The following MACF1 variants were observed in gnomAD, a reference collection of about 807,000 sequenced individuals.
MACF1 encodes the protein microtubule actin crosslinking factor 1.
In MACF1, 193 loss-of-function variants were observed where a neutral mutation model predicts 854.8. That is an observed-to-expected ratio of 0.23 (90% CI 0.20 to 0.25). MACF1 has a LOEUF of 0.25. MACF1 is among the 10% of genes least tolerant of loss of function. MACF1 has a pLI of 1.00. For missense variants in MACF1, 7,722 were observed against 8,929.1 expected (o/e 0.86, Z 5.45); for synonymous variants, 3,185 against 3,226.7 (o/e 0.99, Z 0.44).
chr1:39,411,128 C>A, intron 58 of MACF1: 1 of 1,613,618 alleles, frequency 6.2e-7, no homozygotes, highest in Non-Finnish European at 8.5e-7. Context: ...GTGGAAATGC[C>A]ACCTCTCTCC....
At chr1:39,382,225 T>A (rs1650285308) in intron 56 of MACF1, 73 bp downstream of exon 56, 3 of 1,382,584 alleles carry the variant, frequency 2.2e-6, no homozygotes, top group Non-Finnish European at 3.0e-6. Flanking sequence ...GTAAGTAGAT[T>A]TCATGTGATC....
chr1:39,269,943 G>T (rs944221075), intron 6 of MACF1, among the ~76,000 whole-genome samples: 1 of 152,182 alleles, frequency 6.6e-6, no homozygotes, highest in African/African-American at 2.4e-5. Context: ...ATTCTGAGTA[G>T]CCAAGTGGCG....
intron 41 of MACF1, 110 bp downstream of exon 41, chr1:39,347,320 A>G (rs372480720): frequency 7.4e-6 from 6 of 814,210 alleles, no homozygotes; most frequent in African/African-American, 7.0e-5. Context: ...GGGTTTACCA[A>G]TTTTGAAATT....
intron 58 of MACF1, among the ~76,000 whole-genome samples, chr1:39,393,196 A>AAAAAAAAAAAAAAAATATATATATAT (rs57576149): frequency 1.5e-5 from 1 of 66,576 alleles, no homozygotes; most frequent in Non-Finnish European, 2.6e-5. Flanking sequence ...AAAAAAAAAA[A>AAAAAAAAAAAAAAAATATATATATAT]ATATATATAT....
chr1:39,179,874 G>A (rs1644082195), intron 2 of MACF1, among the ~76,000 whole-genome samples: 1 of 152,034 alleles, frequency 6.6e-6, no homozygotes, highest in East Asian at 1.9e-4. Context: ...AATTAGCCAG[G>A]TGTGGTGGCA....
At chr1:39,152,206 T>A (rs1291720579) in intron 2 of MACF1, among the ~76,000 whole-genome samples, 2 of 152,144 alleles carry the variant, frequency 1.3e-5, no homozygotes, top group Non-Finnish European at 2.9e-5. Context: ...ATCTCCTGAC[T>A]TTGTGATCCG....
At chr1:39,404,064 G>GGTT (rs1369923812) in intron 58 of MACF1, among the ~76,000 whole-genome samples, 1 of 151,862 alleles carries the variant, frequency 6.6e-6, no homozygotes, top group Non-Finnish European at 1.5e-5. Flanking sequence ...GAGAGGCAGA[G>GGTT]GTTGCAATGA....
chr1:39,361,131 C>A, intron 48 of MACF1, 130 bp downstream of exon 48: 1 of 871,182 alleles, frequency 1.1e-6, no homozygotes, highest in Non-Finnish European at 1.8e-6. Context: ...GAAATGATAA[C>A]TAATCTATGT....
intron 66 of MACF1, 73 bp from the exon 67 acceptor site, chr1:39,432,462 G>T: frequency 7.1e-7 from 1 of 1,416,362 alleles, no homozygotes; most frequent in Non-Finnish European, 9.9e-7. Context: ...GCCTTGCTTT[G>T]TTGAATAAAT....
Position 39,452,318 on chromosome 1 carries a change from A to G in MACF1, c.20581A>G (p.Lys6861Glu). The change falls in exon 86 of 101, where the codon AAA (lysine) becomes GAA (glutamate). Residue 6861 changes from lysine to glutamate, a missense_variant. Physicochemically the swap from Lys to Glu is moderately conservative, Grantham distance 56. Transcript: ENST00000564288. The part of the protein sequence containing the change: ...WDTVCKLSVS[K>E]QSRLEQALKQ... ...CACTGTCTGTAAACTCTCTGTTTCCAAACAAAGCCGGCTTGAGCAGGCCTT... is the reference window on the plus strand; with the variant it reads ...CACTGTCTGTAAACTCTCTGTTTCCGAACAAAGCCGGCTTGAGCAGGCCTT... 1 of 1,614,096 alleles carries G rather than the reference A, an allele frequency of 6.2e-7. No individual in the cohort carries two copies. Among genetic ancestry groups the G allele is most frequent in the Non-Finnish European group, 8.5e-7 (1 of 1,180,000 alleles).
rs1183049229 is a variant in MACF1 at position 39,444,685 on chromosome 1, C to T, written c.19455C>T (p.Ala6485=). Residue 6485 remains alanine (A), a synonymous_variant, in exon 80 of 101, where the codon GCC becomes GCT. Transcript: ENST00000564288. ...AGGAACTCTATTCCCAGCTGAAAGC[C>T]AAGGAAGAGACTTATAATCAACTAC... The part of the protein sequence containing the change: ...THMELYSQLK[A]KEETYNQLLD... 8 of 1,612,146 alleles carry T rather than the reference C, an allele frequency of 5.0e-6. No individual in the cohort carries two copies. The highest frequency in any genetic ancestry group is 6.8e-6 in the Non-Finnish European group (8 of 1,179,160).
chr1:39,255,471 A>G (rs191851502), intron 5 of MACF1, among the ~76,000 whole-genome samples: 2 of 152,356 alleles, frequency 1.3e-5, no homozygotes, highest in Non-Finnish European at 2.9e-5. Context: ...AACAGGGTCA[A>G]CGTGACATTA....
chr1:39,334,631 G>A lies in MACF1; in HGVS notation c.8043G>A (p.Leu2681=), dbSNP rs77901510. The A allele has an allele frequency of 6.1e-5, 98 of 1,614,090 alleles. No individual in the cohort carries two copies. The highest frequency in any genetic ancestry group is 8.2e-5 in the Non-Finnish European group (97 of 1,180,008). The change falls in exon 37 of 101, where the codon CTG becomes CTA. Residue 2681 remains leucine, a synonymous_variant. Coordinates refer to ENST00000564288, the MANE Select transcript of MACF1 (RefSeq NM_001394062.1). ...QLGKVDFAST[L]KVLEAQANTG... ...GAAAAGTAGACTTTGCATCTACGCT[G>A]AAGGTTCTAGAAGCCCAGGCAAATA... is the stretch of plus-strand genomic sequence containing the variant.
intron 52 of MACF1, among the ~76,000 whole-genome samples, chr1:39,377,537 A>G (rs1435877335): frequency 6.6e-6 from 1 of 152,200 alleles, no homozygotes; most frequent in Non-Finnish European, 1.5e-5. Flanking sequence ...AACAGAACCA[A>G]AGGCCCAAAG....
intron 28 of MACF1, among the ~76,000 whole-genome samples, 179 bp downstream of exon 28, chr1:39,316,708 G>A (rs1263937080): frequency 3.9e-5 from 6 of 152,184 alleles, no homozygotes; most frequent in Admixed American, 6.6e-5. Context: ...AGTATGTCTA[G>A]CTAGAAAGGG....
chr1:39,227,760 T>C (rs988097948), intron 1 of MACF1, among the ~76,000 whole-genome samples: 7 of 152,238 alleles, frequency 4.6e-5, no homozygotes, highest in Non-Finnish European at 8.8e-5. Context: ...TTCCTAATTA[T>C]GTGCAGTTCT....
rs142453957 is a variant in MACF1, at chr1:39,439,433, T to A, written c.18380T>A (p.Ile6127Asn). 6.2e-7 allele frequency: 1 copy of A among 1,614,094 alleles called. No homozygotes were observed. The highest frequency in any genetic ancestry group is 1.3e-5 in the African/African-American group (1 of 74,940). The change falls in exon 72 of 101, where the codon ATT (isoleucine) becomes AAT (asparagine). Residue 6127 changes from isoleucine to asparagine, a missense_variant. Physicochemically the swap from Ile to Asn is moderately radical, Grantham distance 149. This residue lies in a region of MACF1 where 2,807 missense variants were observed against 3,235.8 expected (regional missense o/e 0.87). Transcript: ENST00000564288. ...LLTTIKDTQD[I>N]VHDLESPGID... ...ACCACCATCAAAGACACCCAGGATATTGTCCATGACTTGGAAAGCCCAGGC... is the reference window on the plus strand; with the variant it reads ...ACCACCATCAAAGACACCCAGGATAATGTCCATGACTTGGAAAGCCCAGGC...
chr1:39,250,158 G>A (rs1645024305), intron 3 of MACF1, 55 bp downstream of exon 3: 2 of 1,222,664 alleles, frequency 1.6e-6, no homozygotes, highest in Non-Finnish European at 1.2e-6. Flanking sequence ...ATGACATATT[G>A]GTCCATCTCA....
At chr1:39,466,440 G>T (rs1336357482) in intron 95 of MACF1, among the ~76,000 whole-genome samples, 3 of 152,202 alleles carry the variant, frequency 2.0e-5, no homozygotes, top group Non-Finnish European at 4.4e-5. Flanking sequence ...GTGAAATTAA[G>T]GTTGGGGGGG....
Sources: gnomAD v4.1 joint callset for allele counts (sites outside exome capture counted in the v4.1 genomes callset) on GRCh38, gnomAD v4.1.1 for gene constraint, gnomAD v4.1.1 regional missense constraint, MANE v1.5 for transcripts, NCBI Gene and HGNC (gene_info 2026-07-23, HGNC 2026-07-21) for gene names.